Variants in TCEA1 observed in about 807,000 individuals in gnomAD.
TCEA1 encodes the protein transcription elongation factor A1.
TCEA1 carries 21 observed loss-of-function variants against 43.8 expected under a neutral mutation model. That is an observed-to-expected ratio of 0.48 (90% CI 0.34 to 0.69). TCEA1 has a LOEUF of 0.69. TCEA1 is among the 30% of genes least tolerant of loss of function. The probability of loss-of-function intolerance (pLI) is 0.01; values close to 1 mark genes in which losing one functional copy is unlikely to be tolerated. For missense variants in TCEA1, 250 were observed against 365.1 expected (o/e 0.68, Z 2.57); for synonymous variants, 104 against 117.5 (o/e 0.88, Z 0.75).
intron 8 of TCEA1, among the ~76,000 whole-genome samples, chr8:53,977,802 A>G (rs1378924352): frequency 1.3e-5 from 2 of 152,202 alleles, no homozygotes; most frequent in African/African-American, 4.8e-5. Context: ...ATCGTACATA[A>G]ATGTAAGTTA....
intron 8 of TCEA1, chr8:53,973,204 G>C (rs1247510692): frequency 2.1e-6 from 1 of 477,644 alleles, no homozygotes; most frequent in African/African-American, 2.0e-5. Flanking sequence ...CTAAATATAG[G>C]CAACTTTTGC....
chr8:53,998,724 C>T (rs907100440), intron 3 of TCEA1, among the ~76,000 whole-genome samples: 3 of 152,068 alleles, frequency 2.0e-5, no homozygotes, highest in Non-Finnish European at 4.4e-5. Flanking sequence ...TGTACATTTC[C>T]TACACAGGTG....
chr8:53,992,589 C>T (rs932111282), intron 4 of TCEA1, among the ~76,000 whole-genome samples: 1 of 151,922 alleles, frequency 6.6e-6, no homozygotes, highest in Non-Finnish European at 1.5e-5. Context: ...CCAGAGTGGG[C>T]GGCAGAGCAA....
chr8:54,007,449 G>A (rs1804508140), intron 2 of TCEA1, among the ~76,000 whole-genome samples: 1 of 152,014 alleles, frequency 6.6e-6, no homozygotes, highest in Non-Finnish European at 1.5e-5. Flanking sequence ...CCAAGGTGTT[G>A]GGATTACAGG....
chr8:53,998,752 A>T (rs1319003172), intron 3 of TCEA1, among the ~76,000 whole-genome samples: 2 of 152,220 alleles, frequency 1.3e-5, no homozygotes, highest in Non-Finnish European at 2.9e-5. Flanking sequence ...ATAGTGAAAG[A>T]TCACAGACCA....
intron 8 of TCEA1, among the ~76,000 whole-genome samples, chr8:53,976,454 C>G (rs1316758144): frequency 6.6e-6 from 1 of 152,148 alleles, no homozygotes; most frequent in Non-Finnish European, 1.5e-5. Flanking sequence ...ACGTAGTAAT[C>G]AAGAGTTACA....
intron 1 of TCEA1, among the ~76,000 whole-genome samples, chr8:54,020,793 G>A (rs1235054544): frequency 6.6e-6 from 1 of 152,176 alleles, no homozygotes; most frequent in Non-Finnish European, 1.5e-5. Context: ...GTTTGACATG[G>A]AATTTACTTC....
Position 53,975,230 on chromosome 8 carries a change from C to A in TCEA1, c.825+3795G>T, listed in dbSNP as rs185244937. Among the ~76,000 whole-genome samples, 10 of 152,196 alleles carry A rather than the reference C, an allele frequency of 6.6e-5. No homozygotes were observed. The East Asian group carries it at 1.7e-3, about 26-fold the overall frequency. ...TAGTTTTTACAGTACTTAATTCCAA[C>A]TATACACAGAAAAAAATTCACTAAA... On this transcript the variant is annotated intron_variant, in intron 8 of 9. Coordinates refer to ENST00000521604, the MANE Select transcript of TCEA1 (RefSeq NM_006756.4).
intron 4 of TCEA1, among the ~76,000 whole-genome samples, chr8:53,990,896 C>A (rs1289764584): frequency 6.6e-6 from 1 of 152,214 alleles, no homozygotes; most frequent in Non-Finnish European, 1.5e-5. Context: ...TGCTTAGCTA[C>A]AAGCAACTTA....
chr8:54,019,514 G>A (rs973331518), intron 1 of TCEA1, among the ~76,000 whole-genome samples: 3 of 149,872 alleles, frequency 2.0e-5, no homozygotes, highest in Non-Finnish European at 4.4e-5. Context: ...AGGTTGCAGT[G>A]AGCCGAGATT....
intron 3 of TCEA1, among the ~76,000 whole-genome samples, chr8:53,997,679 G>A (rs979060133): frequency 2.0e-5 from 3 of 152,180 alleles, no homozygotes; most frequent in Non-Finnish European, 4.4e-5. Flanking sequence ...AGGTTGGATC[G>A]CTTGAGCCCA....
intron 8 of TCEA1, among the ~76,000 whole-genome samples, chr8:53,970,983 C>A (rs1803139877): frequency 6.6e-6 from 1 of 151,940 alleles, no homozygotes; most frequent in African/African-American, 2.4e-5. Context: ...TCTAAGATGG[C>A]AATTAAAAAC....
At position 53,979,380 on chromosome 8, in the gene TCEA1, A is replaced by G. The variant is rs1362617904; in HGVS notation, c.679-209T>C. The stretch of plus-strand genomic sequence containing the variant: ...CAAATACTTAAAAGTTTACATGTGA[A>G]AATTGGATTTAAGTACTGTTTAAAG... On this transcript the variant is annotated intron_variant, in intron 7 of 9. Transcript: ENST00000521604. 2.0e-5 allele frequency among the ~76,000 whole-genome samples: 3 copies of G among 152,204 alleles called. No homozygotes were observed. The East Asian group carries it at 5.8e-4, about 29-fold the overall frequency.
chr8:54,003,174 A>G, intron 2 of TCEA1: 1 of 406,234 alleles, frequency 2.5e-6, no homozygotes, highest in Non-Finnish European at 4.9e-6. Context: ...CACATATATA[A>G]AAGAAACACA....
chr8:53,985,258 C>T (rs1044635937), intron 6 of TCEA1, among the ~76,000 whole-genome samples: 6 of 152,176 alleles, frequency 3.9e-5, no homozygotes, highest in Non-Finnish European at 7.3e-5. Flanking sequence ...CTCAGGTGAT[C>T]CACCCGTCTC....
chr8:53,970,240 T>C (rs117723222), intron 9 of TCEA1, 152 bp downstream of exon 9: 22 of 714,516 alleles, frequency 3.1e-5, no homozygotes, highest in Non-Finnish European at 4.9e-5. Flanking sequence ...CAAGATGGTA[T>C]ATTCCATTAC....
chr8:53,984,623 C>G (rs1803630947), intron 6 of TCEA1, 106 bp from the exon 7 acceptor site: 1 of 928,870 alleles, frequency 1.1e-6, no homozygotes, highest in African/African-American at 1.7e-5. Flanking sequence ...GTGGCTCATG[C>G]CTGTAATCCC....
intron 8 of TCEA1, chr8:53,973,736 A>G: frequency 1.8e-6 from 1 of 561,840 alleles, no homozygotes; most frequent in East Asian, 4.3e-5. Context: ...TTAGCAATGC[A>G]TGGTTTCAAG....
At chr8:53,973,404 G>T in intron 8 of TCEA1, 1 of 503,932 alleles carries the variant, frequency 2.0e-6, no homozygotes, top group Non-Finnish European at 3.7e-6. Context: ...GAAGACTCTT[G>T]CTAAAGAGGC....
Sources: allele counts gnomAD v4.1 joint callset (sites outside exome capture counted in the v4.1 genomes callset), GRCh38; gene constraint gnomAD v4.1.1; transcripts MANE v1.5; gene names NCBI Gene and HGNC (gene_info 2026-07-23, HGNC 2026-07-21).